PIN1: variants seen among roughly 807,000 people sequenced by gnomAD.
The protein encoded by PIN1 is peptidylprolyl cis/trans isomerase, NIMA-interacting 1.
Under a neutral mutation model 19.9 loss-of-function variants are expected in PIN1, and 8 were observed. That is an observed-to-expected ratio of 0.40 (90% confidence interval 0.24 to 0.72). The LOEUF (loss-of-function observed/expected upper bound fraction) is 0.72. Among genes scored for constraint, PIN1 ranks in the 30% least tolerant of loss-of-function variants. The pLI, the probability that PIN1 is intolerant of heterozygous loss-of-function variation, is 0.37. For missense variants in PIN1, 185 were observed against 226.5 expected, an observed-to-expected ratio of 0.82 and a Z score of 1.18; for synonymous variants, 86 against 90.8, an observed-to-expected ratio of 0.95 and a Z score of 0.30.
rs80059666 is a variant in PIN1 at position 9,838,276 on chromosome 19, C to T, written c.59-160C>T. 5.3e-5 allele frequency: 37 copies of T among 699,156 alleles called. No homozygotes were observed. In the East Asian group the frequency reaches 7.5e-4, roughly 14 times the overall value. 43.3% of individuals were successfully genotyped at this position (699,156 alleles called of 1,614,324 possible). On this transcript the variant is annotated intron_variant, in intron 1 of 3. Coordinates refer to ENST00000247970, the MANE Select transcript of PIN1 (RefSeq NM_006221.4). The surrounding 1 kb of genome is among the most constrained non-coding windows in gnomAD (Gnocchi z 5.8). The stretch of plus-strand genomic sequence containing the variant: ...AGGGACTGTATCCTGCCACATTGGC[C>T]CACGTCTGGAGAGCCTGTGGCACAT...
At chr19:9,837,080 C>G (rs2046114915) in intron 1 of PIN1, 1 of 354,472 alleles carries the variant, frequency 2.8e-6, no homozygotes, top group African/African-American at 2.1e-5. Flanking sequence ...CCTCCCACCT[C>G]AGCCTTTCAA....
At chr19:9,842,568 G>C (rs183775822) in intron 2 of PIN1, among the ~76,000 whole-genome samples, 1 of 152,184 alleles carries the variant, frequency 6.6e-6, no homozygotes, top group Admixed American at 6.5e-5. Flanking sequence ...AAAGAGTTCC[G>C]GATAGGACCA....
intron 2 of PIN1, among the ~76,000 whole-genome samples, chr19:9,843,607 A>G (rs965359019): frequency 6.6e-6 from 1 of 152,216 alleles, no homozygotes; most frequent in Non-Finnish European, 1.5e-5. Context: ...AGAAGTCCAC[A>G]ATCCAGGTTC....
In PIN1 at chr19:9,849,312, GTATT is replaced by G; in HGVS notation, c.*118_*121del. ...CCCCACTCCCTGCCACCGTCACACA[GTATT>G]TATTGTTCCCACAATGGCTGGGAGG... On this transcript the variant is annotated 3_prime_UTR_variant, in exon 4 of 4. Coordinates refer to ENST00000247970, the MANE Select transcript of PIN1 (RefSeq NM_006221.4). 1 of 760,362 alleles carries G rather than the reference GTATT, an allele frequency of 1.3e-6. No individual in the cohort carries two copies. Among genetic ancestry groups the G allele is most frequent in the Non-Finnish European group, 2.3e-6 (1 of 433,884 alleles). 47.1% of individuals were successfully genotyped at this position (760,362 alleles called of 1,614,324 possible).
At chr19:9,840,962 A>G (rs1247961791) in intron 2 of PIN1, among the ~76,000 whole-genome samples, 1 of 152,230 alleles carries the variant, frequency 6.6e-6, no homozygotes, top group Non-Finnish European at 1.5e-5. Flanking sequence ...GGTAGTTGTG[A>G]GGACTCCTGG....
At chr19:9,836,971 T>G in intron 1 of PIN1, 3 of 615,308 alleles carry the variant, frequency 4.9e-6, no homozygotes, top group South Asian at 4.4e-5. Context: ...TTTGTAGATG[T>G]GTGAGCTTAT....
intron 2 of PIN1, among the ~76,000 whole-genome samples, chr19:9,842,923 T>C (rs532024013): frequency 2.0e-5 from 3 of 152,334 alleles, no homozygotes; most frequent in South Asian, 2.1e-4. Context: ...TGCTCCGCCC[T>C]TGCCCCGAAG....
Position 9,844,486 on chromosome 19 carries a change from G to T in PIN1, c.272-3544G>T, listed in dbSNP as rs528526447. ...ATACACTGTGAGCAGGCTGGCTGGG[G>T]TCTGCCAGCACAGATAGGTGCCATT... On this transcript the variant is annotated intron_variant, in intron 2 of 3. Transcript: ENST00000247970. 7.2e-5 allele frequency among the ~76,000 whole-genome samples: 11 copies of T among 152,326 alleles called. No individual in the cohort carries two copies. In the South Asian group the frequency reaches 2.3e-3, roughly 32 times the overall value.
At chr19:9,845,960 C>T (rs1434952303) in intron 2 of PIN1, among the ~76,000 whole-genome samples, 6 of 151,992 alleles carry the variant, frequency 3.9e-5, no homozygotes, top group Non-Finnish European at 8.8e-5. Context: ...GGGCACCGTG[C>T]GATCCCCTGG....
At chr19:9,845,767 T>C (rs1412681635) in intron 2 of PIN1, among the ~76,000 whole-genome samples, 2 of 152,056 alleles carry the variant, frequency 1.3e-5, no homozygotes, top group Admixed American at 1.3e-4. Context: ...TTGCACACTA[T>C]GTGTGTGAGA....
chr19:9,842,103 C>T (rs1338069499), intron 2 of PIN1, among the ~76,000 whole-genome samples: 1 of 152,176 alleles, frequency 6.6e-6, no homozygotes, highest in Non-Finnish European at 1.5e-5. Context: ...CAGCAGGAGC[C>T]TTGCCTGCCC....
chr19:9,847,333 G>A (rs1331460403), intron 2 of PIN1, among the ~76,000 whole-genome samples: 1 of 152,188 alleles, frequency 6.6e-6, no homozygotes, highest in Non-Finnish European at 1.5e-5. Flanking sequence ...GAGCCGATGG[G>A]CTAGTTTGGG....
At position 9,849,268 on chromosome 19, in the gene PIN1, G is replaced by A. The variant is rs34412035; in HGVS notation, c.*69G>A. 3.5e-5 allele frequency: 36 copies of A among 1,035,340 alleles called. No individual in the cohort carries two copies. The highest frequency in any genetic ancestry group is 1.6e-4 in the African/African-American group (10 of 63,408). The allele number at this position is 1,035,340 out of a possible 1,614,324, so 64.1% of individuals were successfully genotyped here. On this transcript the variant is annotated 3_prime_UTR_variant, in exon 4 of 4. Transcript: ENST00000247970. ...TAGGCCGGCCAGCTCCCCCTTGCCC[G>A]CCAGCCAGTGGCCGAACCCCCCACT...
At chr19:9,844,746 T>C (rs1320799224) in intron 2 of PIN1, among the ~76,000 whole-genome samples, 1 of 152,210 alleles carries the variant, frequency 6.6e-6, no homozygotes. Context: ...AGTCTGGCCT[T>C]AGGGTCGCAG....
intron 1 of PIN1, chr19:9,836,162 C>T (rs1328168616): frequency 1.3e-5 from 2 of 152,290 alleles, no homozygotes; most frequent in Non-Finnish European, 2.9e-5. Context: ...CTGCAAACTC[C>T]TGAGGAGCAG....
At chr19:9,843,838 A>G (rs552941499) in intron 2 of PIN1, among the ~76,000 whole-genome samples, 3 of 152,310 alleles carry the variant, frequency 2.0e-5, no homozygotes, top group East Asian at 3.9e-4. Context: ...ACCTGAGGTC[A>G]GGAATTCAAG....
In PIN1 at chr19:9,849,324, C is replaced by G; in HGVS notation, c.*125C>G. ...CCACCGTCACACAGTATTTATTGTT[C>G]CCACAATGGCTGGGAGGGGGCCCTT... is the stretch of plus-strand genomic sequence containing the variant. On this transcript the variant is annotated 3_prime_UTR_variant, in exon 4 of 4. Coordinates refer to ENST00000247970, the MANE Select transcript of PIN1 (RefSeq NM_006221.4). 1 of 743,816 alleles carries G rather than the reference C, an allele frequency of 1.3e-6. No individual in the cohort carries two copies. Among genetic ancestry groups the G allele is most frequent in the East Asian group, 2.7e-5 (1 of 37,438 alleles). 46.1% of individuals were successfully genotyped at this position (743,816 alleles called of 1,614,324 possible). A position where few individuals can be genotyped will look rare whatever the true frequency, so the allele number is the denominator to read the frequency against.
intron 2 of PIN1, among the ~76,000 whole-genome samples, chr19:9,847,288 A>C (rs1599455197): frequency 6.6e-6 from 1 of 151,794 alleles, no homozygotes; most frequent in Non-Finnish European, 1.5e-5. Flanking sequence ...TCCTAACTCC[A>C]CCAGCCCTGG....
chr19:9,842,877 C>T (rs946295325), intron 2 of PIN1, among the ~76,000 whole-genome samples: 1 of 152,250 alleles, frequency 6.6e-6, no homozygotes, highest in African/African-American at 2.4e-5. Flanking sequence ...CAGCTGGCAG[C>T]CGGGCTAAAT....
Sources: allele counts gnomAD v4.1 joint callset (sites outside exome capture counted in the v4.1 genomes callset), GRCh38; gene constraint gnomAD v4.1.1; non-coding constraint Gnocchi (gnomAD v3.1); transcripts MANE v1.5; gene names NCBI Gene and HGNC (gene_info 2026-07-23, HGNC 2026-07-21).